Variants in RPTOR observed in about 807,000 individuals in gnomAD.
RPTOR encodes the protein regulatory-associated protein of mTOR.
RPTOR carries 21 observed loss-of-function variants against 169.9 expected under a neutral mutation model. The ratio of observed to expected loss-of-function variants is 0.12; its 90% CI spans 0.09 to 0.18. The LOEUF (loss-of-function observed/expected upper bound fraction) is 0.18, where lower values mean the gene tolerates loss of function less well. Ranked by LOEUF, RPTOR falls within the 10% of genes least tolerant of loss-of-function variation. RPTOR has a pLI of 1.00. For synonymous variants in RPTOR, 732 were observed against 753.2 expected (o/e 0.97, Z 0.46); for missense variants, 1,133 against 1,855.9 (o/e 0.61, Z 7.16).
intron 11 of RPTOR, among the ~76,000 whole-genome samples, chr17:80,847,003 A>AT (rs2067738738): frequency 6.6e-6 from 1 of 152,252 alleles, no homozygotes; most frequent in African/African-American, 2.4e-5. Context: ...GAAGGACAGG[A>AT]GATGGCAGTG....
chr17:80,700,812 T>TAGA, intron 3 of RPTOR, among the ~76,000 whole-genome samples: 1 of 90,810 alleles, frequency 1.1e-5, no homozygotes, highest in African/African-American at 3.7e-5. Context: ...ATGATGGTGG[T>TAGA]GATGGTGATG....
At position 80,922,774 on chromosome 17, in the gene RPTOR, G is replaced by A. The variant is rs755695253; in HGVS notation, c.2571G>A (p.Thr857=). The change falls in exon 22 of 34, where the codon ACG becomes ACA. Residue 857 remains threonine (T), a synonymous_variant. Coordinates refer to ENST00000306801, the MANE Select transcript of RPTOR (RefSeq NM_020761.3). ...PQRVLDTSSL[T]QSAPASPTNK... ...GCGTCCTGGACACCTCCTCCCTCAC[G>A]CAGTCGGCCCCCGCCAGCCCCACCA... The A allele has an allele frequency of 3.2e-5, 51 of 1,582,756 alleles. 1 individual carries two copies. The highest frequency in any genetic ancestry group is 5.3e-5 in the Admixed American group (3 of 57,104).
intron 21 of RPTOR, among the ~76,000 whole-genome samples, chr17:80,915,883 A>G (rs1598398813): frequency 6.6e-6 from 1 of 152,168 alleles, no homozygotes; most frequent in Middle Eastern, 3.4e-3. Flanking sequence ...ACGTCGGGAA[A>G]ACCAGCTGCA....
intron 4 of RPTOR, among the ~76,000 whole-genome samples, chr17:80,720,651 C>T (rs533145392): frequency 6.6e-6 from 1 of 152,346 alleles, no homozygotes; most frequent in African/African-American, 2.4e-5. Context: ...GAGAGTGCAG[C>T]TGCACTGACT....
intron 1 of RPTOR, among the ~76,000 whole-genome samples, chr17:80,546,170 T>C (rs2084271958): frequency 6.6e-6 from 1 of 152,224 alleles, no homozygotes. Flanking sequence ...AGTCTACTTT[T>C]TAAAATATCC....
Position 80,956,396 on chromosome 17 carries a change from CTCTG to C in RPTOR, c.3371-1224_3371-1221del, listed in dbSNP as rs543379098. ...GTCACGTGAGGTGGGGGTTGCTCTG[CTCTG>C]TCTAATCCCCACACAAAGGGCAGCC... is the stretch of plus-strand genomic sequence containing the variant. On this transcript the variant is annotated intron_variant, in intron 28 of 33. Transcript: ENST00000306801. Among the ~76,000 whole-genome samples the C allele has an allele frequency of 3.3e-3, 505 of 152,366 alleles. 2 individuals are homozygous for C. The highest frequency in any genetic ancestry group is 5.5e-3 in the Non-Finnish European group (375 of 68,044).
intron 1 of RPTOR, among the ~76,000 whole-genome samples, chr17:80,592,389 G>A (rs2065113955): frequency 6.6e-6 from 1 of 152,204 alleles, no homozygotes; most frequent in African/African-American, 2.4e-5. Context: ...AGGAGTGGAA[G>A]GGAGAAGAGT....
intron 23 of RPTOR, chr17:80,923,904 C>T (rs2068779742): frequency 1.8e-6 from 1 of 553,036 alleles, no homozygotes; most frequent in Non-Finnish European, 3.2e-6. Flanking sequence ...TGTCCCGGTC[C>T]CTCTGCCTGC....
chr17:80,685,552 G>T (rs2065933502), intron 3 of RPTOR, among the ~76,000 whole-genome samples: 1 of 136,536 alleles, frequency 7.3e-6, no homozygotes, highest in Non-Finnish European at 1.5e-5. Context: ...GGGATTACAG[G>T]TATGACCCAC....
intron 3 of RPTOR, among the ~76,000 whole-genome samples, chr17:80,664,765 A>G (rs1249731338): frequency 2.6e-5 from 4 of 152,222 alleles, no homozygotes; most frequent in African/African-American, 9.6e-5. Context: ...GTTTATTACA[A>G]TGTGAGTTGT....
intron 10 of RPTOR, among the ~76,000 whole-genome samples, chr17:80,840,648 ACTCT>A (rs1218536418): frequency 1.3e-4 from 8 of 60,222 alleles, no homozygotes; most frequent in Admixed American, 7.4e-4. Context: ...ACGGCAGCTC[ACTCT>A]CACCACACCA....
chr17:80,893,465 T>G (rs562069610), intron 19 of RPTOR, among the ~76,000 whole-genome samples: 5 of 104,774 alleles, frequency 4.8e-5, no homozygotes, highest in African/African-American at 7.5e-5. Context: ...ACGCGCCAGG[T>G]TGTGTCTGTA....
chr17:80,853,784 C>A (rs1368614833), intron 11 of RPTOR, among the ~76,000 whole-genome samples: 1 of 152,182 alleles, frequency 6.6e-6, no homozygotes, highest in African/African-American at 2.4e-5. Context: ...CAAGACCATC[C>A]TGCCTAATGC....
intron 25 of RPTOR, among the ~76,000 whole-genome samples, chr17:80,942,518 G>A (rs1207689796): frequency 6.6e-6 from 1 of 152,040 alleles, no homozygotes; most frequent in Non-Finnish European, 1.5e-5. Context: ...CACAGGGGAT[G>A]GTGCCAGCAG....
chr17:80,966,128 C>G lies in RPTOR; in HGVS notation c.*1798C>G, dbSNP rs868866691. The stretch of plus-strand genomic sequence containing the variant: ...CCAGAGGGGTCAAGACCCCCCCCCG[C>G]CCCCGCTCCACCCTGGAGCCCACCC... On this transcript the variant is annotated 3_prime_UTR_variant, in exon 34 of 34. Transcript: ENST00000306801. The G allele has an allele frequency of 6.9e-3, 1,574 of 227,252 alleles. 9 individuals carry two copies. Among genetic ancestry groups the G allele is most frequent in the Middle Eastern group, 0.029 (22 of 748 alleles). 14.1% of individuals were successfully genotyped at this position (227,252 alleles called of 1,614,324 possible).
chr17:80,823,013 G>T lies in RPTOR; in HGVS notation c.992-66G>T. ...TAATTTTTGATAGAAGTGAATTTGT[G>T]TATTTGGCTTTAAATGCTAGACACA... On this transcript the variant is annotated intron_variant, in intron 8 of 33. Coordinates refer to ENST00000306801, the MANE Select transcript of RPTOR (RefSeq NM_020761.3). This position sits in a 1 kb window ranked among gnomAD's most constrained non-coding sequence, Gnocchi z 4.5. 3 of 1,541,102 alleles carry T rather than the reference G, an allele frequency of 1.9e-6. No individual in the cohort carries two copies. The highest frequency in any genetic ancestry group is 2.6e-6 in the Non-Finnish European group (3 of 1,136,834).
At position 80,674,787 on chromosome 17, in the gene RPTOR, CAAAAAAA is replaced by C. The variant is rs9319608; in HGVS notation, c.348+31009_348+31015del. Among the ~76,000 whole-genome samples, 45 of 89,974 alleles carry C rather than the reference CAAAAAAA, an allele frequency of 5.0e-4. No homozygotes were observed. In the East Asian group the frequency reaches 6.9e-3, roughly 14 times the overall value. 59.0% of individuals were successfully genotyped at this position (89,974 alleles called of 152,430 possible). Reference sequence around the variant, plus strand: ...TGGGCAACAGAGCAAGACTCTGTCTCAAAAAAAAAAAAAAAAAAAAAAAAAAAAAAAA... The same window carrying C: ...TGGGCAACAGAGCAAGACTCTGTCTCAAAAAAAAAAAAAAAAAAAAAAAAA... On this transcript the variant is annotated intron_variant, in intron 3 of 33. Coordinates refer to ENST00000306801, the MANE Select transcript of RPTOR (RefSeq NM_020761.3).
chr17:80,842,817 A>G (rs541906141), intron 10 of RPTOR, among the ~76,000 whole-genome samples: 1 of 152,158 alleles, frequency 6.6e-6, no homozygotes, highest in African/African-American at 2.4e-5. Flanking sequence ...ATCTGCTCAC[A>G]TTTCACGTCC....
chr17:80,629,158 CGTGTGTCTCTGTCTTCTGGG>C (rs2065419881), intron 2 of RPTOR, among the ~76,000 whole-genome samples: 1 of 142,978 alleles, frequency 7.0e-6, no homozygotes, highest in African/African-American at 2.6e-5. Context: ...GCAGCTCTTC[CGTGTGTCTCTGTCTTCTGGG>C]ACTCAGCTGT....
Sources: allele counts gnomAD v4.1 joint callset (sites outside exome capture counted in the v4.1 genomes callset), GRCh38; gene constraint gnomAD v4.1.1; non-coding constraint Gnocchi (gnomAD v3.1); transcripts MANE v1.5; gene names NCBI Gene and HGNC (gene_info 2026-07-23, HGNC 2026-07-21).